Variants in UBL3 observed in about 807,000 individuals in gnomAD.
The protein encoded by UBL3 is ubiquitin-like protein 3.
UBL3 carries 6 observed loss-of-function variants against 18.4 expected under a neutral mutation model. The ratio of observed to expected loss-of-function variants is 0.33; its 90% confidence interval spans 0.18 to 0.64. The LOEUF is 0.64. Ranked by LOEUF, UBL3 falls within the 30% of genes least tolerant of loss-of-function variation. The pLI is 0.76. For missense variants in UBL3, 109 were observed against 142.9 expected, an observed-to-expected ratio of 0.76 and a Z score of 1.21; for synonymous variants, 49 against 46.6, an observed-to-expected ratio of 1.05 and a Z score of -0.21.
chr13:29,843,844 C>T (rs1256495828), intron 1 of UBL3, among the ~76,000 whole-genome samples: 3 of 109,180 alleles, frequency 2.7e-5, no homozygotes, highest in African/African-American at 1.0e-4. Flanking sequence ...GTCGATTTTG[C>T]CTTGAAGTGA....
At chr13:29,841,308 G>A (rs1245538025) in intron 1 of UBL3, among the ~76,000 whole-genome samples, 2 of 151,270 alleles carry the variant, frequency 1.3e-5, no homozygotes. Context: ...GCAGTTAAAA[G>A]TATGGAGACA....
chr13:29,789,525 A>AAC (rs1294192322), intron 1 of UBL3, among the ~76,000 whole-genome samples: 2 of 152,214 alleles, frequency 1.3e-5, no homozygotes, highest in Non-Finnish European at 2.9e-5. Context: ...CAAAAGACTG[A>AAC]ACACACAAAT....
intron 1 of UBL3, among the ~76,000 whole-genome samples, chr13:29,823,649 A>G (rs1406764980): frequency 6.6e-6 from 1 of 152,180 alleles, no homozygotes; most frequent in Non-Finnish European, 1.5e-5. Context: ...CTGCATAATG[A>G]TAATTACCTT....
intron 1 of UBL3, among the ~76,000 whole-genome samples, chr13:29,845,479 TCTCAGTATA>T (rs1221500664): frequency 6.6e-6 from 1 of 152,046 alleles, no homozygotes; most frequent in Non-Finnish European, 1.5e-5. Flanking sequence ...GGGCATTAAA[TCTCAGTATA>T]CTTTTCTATT....
At chr13:29,812,175 C>A (rs934385693) in intron 1 of UBL3, among the ~76,000 whole-genome samples, 1 of 152,038 alleles carries the variant, frequency 6.6e-6, no homozygotes, top group Non-Finnish European at 1.5e-5. Context: ...GACAGTCTTA[C>A]CATTATTTAT....
At chr13:29,835,155 T>TATATATATATATATATATAA (rs1878922652) in intron 1 of UBL3, among the ~76,000 whole-genome samples, 2 of 46,868 alleles carry the variant, frequency 4.3e-5, no homozygotes, top group Admixed American at 2.5e-4. Flanking sequence ...TATATATATA[T>TATATATATATATATATATAA]ATATATATAT....
intron 1 of UBL3, among the ~76,000 whole-genome samples, chr13:29,784,499 T>C (rs1877257534): frequency 6.6e-6 from 1 of 152,116 alleles, no homozygotes; most frequent in African/African-American, 2.4e-5. Context: ...CCTGCCTTCT[T>C]TGCTAAATGG....
At chr13:29,805,543 T>C (rs968362482) in intron 1 of UBL3, among the ~76,000 whole-genome samples, 1 of 152,198 alleles carries the variant, frequency 6.6e-6, no homozygotes, top group African/African-American at 2.4e-5. Flanking sequence ...CATGACTATA[T>C]ATGCTATCTA....
intron 1 of UBL3, among the ~76,000 whole-genome samples, chr13:29,823,066 C>T (rs1047743444): frequency 6.6e-6 from 1 of 152,088 alleles, no homozygotes; most frequent in Non-Finnish European, 1.5e-5. Flanking sequence ...ACAAGTTTTA[C>T]AATAATCTTA....
At chr13:29,832,100 A>T (rs996731964) in intron 1 of UBL3, among the ~76,000 whole-genome samples, 1 of 152,200 alleles carries the variant, frequency 6.6e-6, no homozygotes, top group African/African-American at 2.4e-5. Context: ...CTAATTCAAC[A>T]TTCATTGAGT....
intron 1 of UBL3, among the ~76,000 whole-genome samples, chr13:29,814,578 C>G (rs1464329331): frequency 6.6e-6 from 1 of 152,006 alleles, no homozygotes; most frequent in African/African-American, 2.4e-5. Context: ...CACTCTTTTC[C>G]AAGCACTGTA....
At chr13:29,820,020 A>C (rs1878384953) in intron 1 of UBL3, among the ~76,000 whole-genome samples, 1 of 152,196 alleles carries the variant, frequency 6.6e-6, no homozygotes, top group Non-Finnish European at 1.5e-5. Context: ...TAAGCCTAAC[A>C]ATGTTTCTTA....
chr13:29,765,566 A>C lies in UBL3; in HGVS notation c.*1689T>G, dbSNP rs151160093. On this transcript the variant is annotated 3_prime_UTR_variant, in exon 5 of 5. Coordinates refer to ENST00000380680, the MANE Select transcript of UBL3 (RefSeq NM_007106.4). ...AGAAAACATGAATGAGACGGTGCTT[A>C]AACAATTATTGACCTAATCAAGACC... is the stretch of plus-strand genomic sequence containing the variant. The C allele has an allele frequency of 6.5e-6, 1 of 152,708 alleles. No individual in the cohort carries two copies. The highest frequency in any genetic ancestry group is 2.4e-5 in the African/African-American group (1 of 41,600). 9.5% of individuals were successfully genotyped at this position (152,708 alleles called of 1,614,324 possible).
chr13:29,823,393 C>T (rs1025479445), intron 1 of UBL3, among the ~76,000 whole-genome samples: 3 of 152,200 alleles, frequency 2.0e-5, no homozygotes, highest in African/African-American at 4.8e-5. Context: ...CGCCCGCCTT[C>T]GGCCTCCCAA....
chr13:29,823,246 G>A (rs571595220), intron 1 of UBL3, among the ~76,000 whole-genome samples: 3 of 152,236 alleles, frequency 2.0e-5, no homozygotes, highest in East Asian at 1.9e-4. Flanking sequence ...GGGTTCAAGC[G>A]ATTCTCCTGC....
chr13:29,796,320 A>C (rs1877612612), intron 1 of UBL3, among the ~76,000 whole-genome samples: 1 of 152,194 alleles, frequency 6.6e-6, no homozygotes, highest in Non-Finnish European at 1.5e-5. Flanking sequence ...AGTTACCTTT[A>C]AGTTTTTACT....
chr13:29,771,847 C>T (rs992529994), intron 3 of UBL3, among the ~76,000 whole-genome samples: 2 of 152,008 alleles, frequency 1.3e-5, no homozygotes, highest in East Asian at 1.9e-4. Context: ...AATATAATAA[C>T]GTTACATTTA....
At chr13:29,804,708 G>T (rs1218252879) in intron 1 of UBL3, among the ~76,000 whole-genome samples, 3 of 152,070 alleles carry the variant, frequency 2.0e-5, no homozygotes, top group Non-Finnish European at 4.4e-5. Flanking sequence ...AGAACAAATG[G>T]ATAAACTCCT....
intron 2 of UBL3, among the ~76,000 whole-genome samples, chr13:29,774,638 G>A (rs879647314): frequency 6.6e-6 from 1 of 152,042 alleles, no homozygotes; most frequent in African/African-American, 2.4e-5. Context: ...GGTTACTAAT[G>A]TGAAGAAAGA....
Sources: gnomAD v4.1 joint callset for allele counts (sites outside exome capture counted in the v4.1 genomes callset) on GRCh38, gnomAD v4.1.1 for gene constraint, MANE v1.5 for transcripts, NCBI Gene and HGNC (gene_info 2026-07-23, HGNC 2026-07-21) for gene names.